DAPK3: variants seen among roughly 807,000 people sequenced by gnomAD.
The protein encoded by DAPK3 is death-associated protein kinase 3.
Under a neutral mutation model 30.6 loss-of-function variants are expected in DAPK3, and 24 were observed. The ratio of observed to expected loss-of-function variants is 0.78; its 90% confidence interval spans 0.57 to 1.10. The LOEUF is 1.10. Ranked by LOEUF, DAPK3 falls within the 50% of genes least tolerant of loss-of-function variation. The pLI is 0.00. For missense variants in DAPK3, 629 were observed against 657.3 expected, an observed-to-expected ratio of 0.96 and a Z score of 0.47; for synonymous variants, 341 against 284.0, an observed-to-expected ratio of 1.20 and a Z score of -2.02.
intron 2 of DAPK3, 64 bp from the exon 3 acceptor site, chr19:3,965,055 G>A: frequency 1.2e-6 from 1 of 860,564 alleles, no homozygotes; most frequent in Non-Finnish European, 1.9e-6. Context: ...GGGGTGGCTG[G>A]CTCCCCGTCA....
At chr19:3,960,803 C>A (rs947761863) in intron 7 of DAPK3, among the ~76,000 whole-genome samples, 129 of 93,988 alleles carry the variant, frequency 1.4e-3, no homozygotes, top group Non-Finnish European at 1.8e-3. Flanking sequence ...GACTCCGTCT[C>A]AAAAAAAAAA....
At chr19:3,965,756 C>G (rs2039571799) in intron 2 of DAPK3, among the ~76,000 whole-genome samples, 1 of 152,116 alleles carries the variant, frequency 6.6e-6, no homozygotes, top group Non-Finnish European at 1.5e-5. Flanking sequence ...CCTTGACCTC[C>G]TGGGCTCGGG....
intron 2 of DAPK3, among the ~76,000 whole-genome samples, chr19:3,965,192 G>A (rs2039564798): frequency 1.3e-5 from 2 of 152,210 alleles, no homozygotes; most frequent in African/African-American, 2.4e-5. Context: ...ACCATCAGAC[G>A]CGGCGTTCCC....
intron 8 of DAPK3, 42 bp from the exon 9 acceptor site, chr19:3,959,679 C>CCCAGCCCCG (rs1259690053): frequency 4.0e-6 from 6 of 1,496,040 alleles, no homozygotes; most frequent in Non-Finnish European, 5.3e-6. Flanking sequence ...CGCGATGCCA[C>CCCAGCCCCG]CCAGCCCCGC....
At chr19:3,963,726 G>A (rs2278437) in intron 5 of DAPK3, 57 bp from the exon 6 acceptor site, 816,659 of 1,446,642 alleles carry the variant, frequency 0.56, 238,661 homozygotes, top group East Asian at 0.71. Flanking sequence ...ACCCTCCCAG[G>A]ACCGTGGCGT....
chr19:3,964,008 CAT>C (rs1195615285), intron 4 of DAPK3, 89 bp from the exon 5 acceptor site: 10 of 927,722 alleles, frequency 1.1e-5, no homozygotes, highest in Middle Eastern at 2.1e-4. Flanking sequence ...AAGGTTCTCA[CAT>C]GTCGCAGCCC....
Position 3,959,235 on chromosome 19 carries a change from G to A in DAPK3, c.1231C>T (p.Arg411Cys), listed in dbSNP as rs1433365180. 7.5e-6 allele frequency: 12 copies of A among 1,599,840 alleles called. No individual in the cohort carries two copies. The highest frequency in any genetic ancestry group is 3.4e-5 in the Admixed American group (2 of 59,668). Residue 411 changes from arginine to cysteine, a missense_variant, in exon 9 of 9, where the codon CGC (arginine) becomes TGC (cysteine). This residue lies in a region of DAPK3 where 323 missense variants were observed against 278.8 expected (regional missense o/e 1.16). Coordinates refer to ENST00000545797, the MANE Select transcript of DAPK3 (RefSeq NM_001348.3). ...CGGTTCTCCAGGCGGCTGAAGCGGC[G>A]CTTGAGGCCGCTGGTCCCCAGCAGC... Reference protein sequence around the residue: ...GALLGTSGLKRRFSRLENRYE... With the variant: ...GALLGTSGLKCRFSRLENRYE...
Position 3,961,056 on chromosome 19 carries a change from G to T in DAPK3, c.735C>A (p.Ser245Arg). The change falls in exon 7 of 9, where the codon AGC becomes AGA. Residue 245 changes from serine to arginine, a missense_variant. Transcript: ENST00000545797. ...DFDEEYFSNT[S>R]ELAKDFIRRL... ...GGCGAATGAAGTCCTTGGCCAGCTC[G>T]CTGGTGTTGCTGAAGTACTCCTCGT... The T allele has an allele frequency of 6.2e-7, 1 of 1,613,770 alleles. No homozygotes were observed. The highest frequency in any genetic ancestry group is 8.5e-7 in the Non-Finnish European group (1 of 1,179,968).
chr19:3,960,198 T>C lies in DAPK3; in HGVS notation c.783-94A>G. The stretch of plus-strand genomic sequence containing the variant: ...CCCGGGACCCCCAAAAGCCCTAAAG[T>C]CGCCCCCCAGCCTCTGCTCAGCCAA... On this transcript the variant is annotated intron_variant, in intron 7 of 8. Coordinates refer to ENST00000545797, the MANE Select transcript of DAPK3 (RefSeq NM_001348.3). 4.2e-6 allele frequency: 3 copies of C among 716,780 alleles called. No individual in the cohort carries two copies. In the Admixed American group the frequency reaches 6.4e-5, roughly 15 times the overall value. 44.4% of individuals were successfully genotyped at this position (716,780 alleles called of 1,614,324 possible). A position where few individuals can be genotyped will look rare whatever the true frequency, so the allele number is the denominator to read the frequency against.
At chr19:3,966,613 T>C (rs1363360434) in intron 2 of DAPK3, among the ~76,000 whole-genome samples, 1 of 152,158 alleles carries the variant, frequency 6.6e-6, no homozygotes, top group African/African-American at 2.4e-5. Flanking sequence ...AGCCCCGTCA[T>C]TCACTCTGCC....
chr19:3,969,105 T>C (rs2039608861), intron 2 of DAPK3, among the ~76,000 whole-genome samples: 1 of 151,970 alleles, frequency 6.6e-6, no homozygotes, highest in African/African-American at 2.4e-5. Context: ...AAAACTAAAG[T>C]GCCTCCCACA....
At position 3,959,272 on chromosome 19, in the gene DAPK3, C is replaced by T; in HGVS notation, c.1194G>A (p.Glu398=). Reference sequence around the variant, plus strand: ...TGGTCCCCAGCAGCGCGCCCTTGGCCTCCTCCTGCGCCTGCCGCTTGAGCG... The same window carrying T: ...TGGTCCCCAGCAGCGCGCCCTTGGCTTCCTCCTGCGCCTGCCGCTTGAGCG... ...TEALKRQAQE[E]AKGALLGTSG... The change falls in exon 9 of 9, where the codon GAG becomes GAA. Residue 398 remains glutamate (E), a synonymous_variant. Coordinates refer to ENST00000545797, the MANE Select transcript of DAPK3 (RefSeq NM_001348.3). 1 of 1,598,410 alleles carries T rather than the reference C, an allele frequency of 6.3e-7. No homozygotes were observed. Among genetic ancestry groups the T allele is most frequent in the Non-Finnish European group, 8.5e-7 (1 of 1,178,508 alleles).
intron 8 of DAPK3, 171 bp from the exon 9 acceptor site, chr19:3,959,808 C>T (rs2039484307): frequency 2.6e-6 from 2 of 782,798 alleles, no homozygotes; most frequent in Admixed American, 2.9e-5. Context: ...TCGAGAAAAA[C>T]GCTGCGGCCC....
rs947452629 is a variant in DAPK3 at position 3,963,662 on chromosome 19, C to T, written c.610G>A (p.Gly204Ser). 1.3e-6 allele frequency: 2 copies of T among 1,534,788 alleles called. No homozygotes were observed. The highest frequency in any genetic ancestry group is 1.2e-5 in the South Asian group (1 of 80,476). ...ACTCACAGGATATAGGTGATGACAC[C>T]GATGCTCCTGGGGACAGACAAGAGG... ...LGLEADMWSI[G>S]VITYILLSGA... Residue 204 changes from glycine to serine, a missense_variant, in exon 6 of 9, where the codon GGT (glycine) becomes AGT (serine). By Grantham distance (56) the Gly-to-Ser change is moderately conservative. Coordinates refer to ENST00000545797, the MANE Select transcript of DAPK3 (RefSeq NM_001348.3).
rs1221336241 is a variant in DAPK3, at chr19:3,964,969, T to G, written c.85A>C (p.Lys29Gln). 1 of 1,607,028 alleles carries G rather than the reference T, an allele frequency of 6.2e-7. No individual in the cohort carries two copies. Among genetic ancestry groups the G allele is most frequent in the East Asian group, 2.2e-5 (1 of 44,772 alleles). The stretch of plus-strand genomic sequence containing the variant: ...TTGCCCGTGCCCTTCTGCCGGCACT[T>G]CCGCACGATCGCAAACTGGCCGCTG... Reference protein sequence around the residue: ...LGSGQFAIVRKCRQKGTGKEY... With the variant: ...LGSGQFAIVRQCRQKGTGKEY... Residue 29 changes from lysine (K) to glutamine (Q), a missense_variant, in exon 3 of 9, where the codon AAG becomes CAG. Coordinates refer to ENST00000545797, the MANE Select transcript of DAPK3 (RefSeq NM_001348.3).
chr19:3,960,952 G>A (rs1407945980), intron 7 of DAPK3, 57 bp downstream of exon 7: 8 of 1,585,062 alleles, frequency 5.0e-6, no homozygotes, highest in Middle Eastern at 3.8e-4. Context: ...AGCCTCCGTG[G>A]GTGGAGTGGG....
rs561835104 is a variant in DAPK3 at position 3,965,136 on chromosome 19, G to A, written c.63-145C>T. On this transcript the variant is annotated intron_variant, in intron 2 of 8. Coordinates refer to ENST00000545797, the MANE Select transcript of DAPK3 (RefSeq NM_001348.3). ...AGGACATGAGCTGGCCACTGCGGGGGTGCAGACTCTGCGCCTTCTCAGAGA... is the reference window on the plus strand; with the variant it reads ...AGGACATGAGCTGGCCACTGCGGGGATGCAGACTCTGCGCCTTCTCAGAGA... 2.0e-5 allele frequency: 12 copies of A among 607,908 alleles called. No homozygotes were observed. In the African/African-American group the frequency reaches 2.2e-4, roughly 11 times the overall value. 37.7% of individuals were successfully genotyped at this position (607,908 alleles called of 1,614,324 possible).
Position 3,959,146 on chromosome 19 carries a change from G to A in DAPK3, c.1320C>T (p.Ala440=). 5.1e-6 allele frequency: 8 copies of A among 1,583,750 alleles called. No individual in the cohort carries two copies. The highest frequency in any genetic ancestry group is 6.8e-6 in the Non-Finnish European group (8 of 1,169,532). Reference sequence around the variant, plus strand: ...CGCCCTGCAGCTTCTCCTGCTCCAGGGCGCGCACGAGGTCCTGCACGAAGC... The same window carrying A: ...CGCCCTGCAGCTTCTCCTGCTCCAGAGCGCGCACGAGGTCCTGCACGAAGC... ...EMRFVQDLVR[A]LEQEKLQGVE... Residue 440 remains alanine, a synonymous_variant, in exon 9 of 9, where the codon GCC becomes GCT. Coordinates refer to ENST00000545797, the MANE Select transcript of DAPK3 (RefSeq NM_001348.3).
intron 7 of DAPK3, 81 bp from the exon 8 acceptor site, chr19:3,960,185 A>G: frequency 1.3e-6 from 1 of 783,536 alleles, no homozygotes; most frequent in Admixed American, 2.0e-5. Flanking sequence ...CGGGACCCCC[A>G]AAAGCCCTAA....
Sources: allele counts gnomAD v4.1 joint callset (sites outside exome capture counted in the v4.1 genomes callset), GRCh38; gene constraint gnomAD v4.1.1; regional missense constraint gnomAD v4.1.1; transcripts MANE v1.5; gene names NCBI Gene and HGNC (gene_info 2026-07-23, HGNC 2026-07-21).